The following HCK variants were observed in gnomAD, a reference collection of about 807,000 sequenced individuals.
HCK encodes HCK proto-oncogene, Src family tyrosine kinase.
Under a neutral mutation model 70.4 loss-of-function variants are expected in HCK, and 40 were observed. The ratio of observed to expected loss-of-function variants is 0.57; its 90% confidence interval spans 0.44 to 0.74. The LOEUF is 0.74. Among genes scored for constraint, HCK ranks in the 30% least tolerant of loss-of-function variants. HCK has a pLI of 0.00. For missense variants in HCK, 568 were observed against 697.2 expected (o/e 0.81, Z 2.09); for synonymous variants, 245 against 263.2 (o/e 0.93, Z 0.67).
chr20:32,084,939 C>A (rs1487174298), intron 8 of HCK, among the ~76,000 whole-genome samples: 1 of 152,200 alleles, frequency 6.6e-6, no homozygotes, highest in Non-Finnish European at 1.5e-5. Flanking sequence ...ATTCTGAGCA[C>A]CTGCTGTGTG....
rs34436416 is a variant in HCK at position 32,086,785 on chromosome 20, C to A, written c.993C>A (p.Ile331=). 1 of 1,587,816 alleles carries A rather than the reference C, an allele frequency of 6.3e-7. No homozygotes were observed. Among genetic ancestry groups the A allele is most frequent in the Admixed American group, 1.7e-5 (1 of 58,148 alleles). Residue 331 remains isoleucine (I), a synonymous_variant, in exon 9 of 13, where the codon ATC becomes ATA. Transcript: ENST00000375852. ...TGGTCACCAAGGAGCCCATCTACAT[C>A]ATCACGGAGTTCATGGCCAAAGGTG...
rs769158026 is a variant in HCK, at chr20:32,094,710, AAAG to A, written c.1246+697_1246+699del. On this transcript the variant is annotated intron_variant, in intron 11 of 12. Coordinates refer to ENST00000375852, the MANE Select transcript of HCK (RefSeq NM_002110.5). ...AAAAGAAAAGAAAAGAAAAGAAAAGAAAGAAAGAAAGAAAGAAAGAAAGAAAGA... is the reference window on the plus strand; with the variant it reads ...AAAAGAAAAGAAAAGAAAAGAAAAGAAAAGAAAGAAAGAAAGAAAGAAAGA... Among the ~76,000 whole-genome samples the A allele has an allele frequency of 2.3e-3, 115 of 50,368 alleles. No individual in the cohort carries two copies. The East Asian group carries it at 0.029, about 13-fold the overall frequency. 33.0% of individuals were successfully genotyped at this position (50,368 alleles called of 152,430 possible).
At chr20:32,097,141 G>A (rs974431322) in intron 11 of HCK, among the ~76,000 whole-genome samples, 10 of 152,082 alleles carry the variant, frequency 6.6e-5, no homozygotes, top group East Asian at 3.9e-4. Context: ...TAAGTCAGGC[G>A]TGGTGGTGTG....
At chr20:32,099,311 G>A (rs1408736964) in intron 12 of HCK, among the ~76,000 whole-genome samples, 176 bp downstream of exon 12, 1 of 150,692 alleles carries the variant, frequency 6.6e-6, no homozygotes, top group African/African-American at 2.5e-5. Flanking sequence ...CTGAAATCTG[G>A]GGGCTTCCTT....
intron 1 of HCK, among the ~76,000 whole-genome samples, chr20:32,054,636 C>T (rs973672723): frequency 3.3e-5 from 5 of 151,202 alleles, no homozygotes; most frequent in African/African-American, 9.7e-5. Flanking sequence ...GAAACCCCGT[C>T]TCTACTAAAA....
At chr20:32,055,221 T>C (rs933629056) in intron 1 of HCK, among the ~76,000 whole-genome samples, 3 of 152,180 alleles carry the variant, frequency 2.0e-5, no homozygotes, top group African/African-American at 7.2e-5. Context: ...CACCAGGGAC[T>C]CTGGGGCAGA....
chr20:32,069,518 C>T (rs1015179484), intron 1 of HCK, among the ~76,000 whole-genome samples: 4 of 152,150 alleles, frequency 2.6e-5, no homozygotes, highest in Non-Finnish European at 5.9e-5. Flanking sequence ...ACAAGATGCC[C>T]GTTTAATTTC....
At chr20:32,090,243 G>A (rs537369170) in intron 10 of HCK, among the ~76,000 whole-genome samples, 50 of 152,340 alleles carry the variant, frequency 3.3e-4, no homozygotes, top group Non-Finnish European at 6.8e-4. Flanking sequence ...CACTCTGCCC[G>A]TTTCACAGAG....
intron 9 of HCK, 87 bp from the exon 10 acceptor site, chr20:32,088,481 A>G (rs759338196): frequency 2.2e-4 from 195 of 881,682 alleles, no homozygotes; most frequent in Admixed American, 5.9e-4. Flanking sequence ...ACCACACACT[A>G]AAGTACTAGA....
At chr20:32,084,235 C>T (rs537451507) in intron 7 of HCK, among the ~76,000 whole-genome samples, 156 bp from the exon 8 acceptor site, 188 of 152,266 alleles carry the variant, frequency 1.2e-3, no homozygotes, top group Admixed American at 2.6e-3. Context: ...AGAGGTGGCA[C>T]CCCGTCACAC....
intron 1 of HCK, among the ~76,000 whole-genome samples, chr20:32,063,834 C>T (rs2045415130): frequency 6.6e-6 from 1 of 151,252 alleles, no homozygotes; most frequent in Non-Finnish European, 1.5e-5. Flanking sequence ...CTGGAAAATC[C>T]CTGAGATATC....
intron 11 of HCK, among the ~76,000 whole-genome samples, chr20:32,095,556 C>T (rs950771768): frequency 3.3e-5 from 5 of 152,046 alleles, no homozygotes; most frequent in African/African-American, 1.2e-4. Context: ...CATGCCCGGC[C>T]CAGAACAGAC....
At chr20:32,097,399 G>A (rs1209143383) in intron 11 of HCK, among the ~76,000 whole-genome samples, 1 of 151,812 alleles carries the variant, frequency 6.6e-6, no homozygotes, top group African/African-American at 2.4e-5. Context: ...CTAACACGGT[G>A]AAACCCCATC....
At chr20:32,095,627 G>A (rs928080661) in intron 11 of HCK, among the ~76,000 whole-genome samples, 5 of 152,288 alleles carry the variant, frequency 3.3e-5, no homozygotes, top group Middle Eastern at 3.4e-3. Context: ...GGAGTTGGGA[G>A]AAATGAGGAG....
chr20:32,099,546 C>T lies in HCK; in HGVS notation c.1378+411C>T, dbSNP rs138053980. ...CTAATTTTTGTATTTTTAGTAGAGA[C>T]GGGGTTTCACCATGTTGGCCAGGCT... On this transcript the variant is annotated intron_variant, in intron 12 of 12. Coordinates refer to ENST00000375852, the MANE Select transcript of HCK (RefSeq NM_002110.5). Among the ~76,000 whole-genome samples the T allele has an allele frequency of 3.8e-3, 580 of 151,878 alleles. 3 individuals carry two copies. Among genetic ancestry groups the T allele is most frequent in the African/African-American group, 0.013 (552 of 41,446 alleles).
At chr20:32,097,655 CAGA>C (rs1318854409) in intron 11 of HCK, among the ~76,000 whole-genome samples, 1 of 151,912 alleles carries the variant, frequency 6.6e-6, no homozygotes. Flanking sequence ...ATTTCTAAAC[CAGA>C]AGAAGATAAG....
intron 11 of HCK, among the ~76,000 whole-genome samples, chr20:32,094,749 GAAAGAAA>G (rs2045916761): frequency 7.8e-6 from 1 of 128,016 alleles, no homozygotes; most frequent in Non-Finnish European, 1.7e-5. Context: ...AAGAAAGAAA[GAAAGAAA>G]GAAAGAAGGA....
At chr20:32,083,369 ATG>A (rs948995981) in intron 6 of HCK, among the ~76,000 whole-genome samples, 15 of 152,214 alleles carry the variant, frequency 9.9e-5, no homozygotes, top group Admixed American at 3.3e-4. Context: ...CTACCACAGC[ATG>A]TTCACATTTC....
At chr20:32,053,522 C>T (rs2045214124) in intron 1 of HCK, among the ~76,000 whole-genome samples, 1 of 151,012 alleles carries the variant, frequency 6.6e-6, no homozygotes, top group African/African-American at 2.4e-5. Context: ...CCTTTAATCC[C>T]AGCTACTCGG....
Sources: allele counts gnomAD v4.1 joint callset (sites outside exome capture counted in the v4.1 genomes callset), GRCh38; gene constraint gnomAD v4.1.1; transcripts MANE v1.5; gene names NCBI Gene and HGNC (gene_info 2026-07-23, HGNC 2026-07-21).